TENM3: variants seen among roughly 807,000 people sequenced by gnomAD.
The protein encoded by TENM3 is teneurin transmembrane protein 3.
Under a neutral mutation model 255.1 loss-of-function variants are expected in TENM3, and 63 were observed. That is an observed-to-expected ratio of 0.25 (90% CI 0.20 to 0.30). TENM3 has a LOEUF of 0.30. Among genes scored for constraint, TENM3 ranks in the 10% least tolerant of loss-of-function variants. TENM3 has a pLI of 1.00. For synonymous variants in TENM3, 1,306 were observed against 1,322.3 expected (o/e 0.99, Z 0.27); for missense variants, 2,929 against 3,461.1 (o/e 0.85, Z 3.86).
the TENM3 span, among the ~76,000 whole-genome samples, chr4:182,082,547 C>T: frequency 6.6e-6 from 1 of 152,170 alleles, no homozygotes; most frequent in Non-Finnish European, 1.5e-5. Context: ...ATATGATTTG[C>T]CCCTTTAGTT....
At chr4:181,709,962 A>G in the TENM3 span, among the ~76,000 whole-genome samples, 2 of 152,180 alleles carry the variant, frequency 1.3e-5, no homozygotes, top group Non-Finnish European at 2.9e-5. Flanking sequence ...TTTGAGGTGG[A>G]TGGAGCAGGA....
intron 3 of TENM3, among the ~76,000 whole-genome samples, chr4:182,385,063 A>G (rs1366481793): frequency 6.6e-6 from 1 of 152,074 alleles, no homozygotes; most frequent in Non-Finnish European, 1.5e-5. Flanking sequence ...TTTTACGTAG[A>G]TGACGGTGTC....
intron 8 of TENM3, 38 bp downstream of exon 8, chr4:182,679,914 A>G (rs761616678): frequency 1.3e-6 from 2 of 1,527,984 alleles, no homozygotes; most frequent in East Asian, 2.3e-5. Context: ...TCCAGGCTAT[A>G]GCCTAAACGC....
intron 3 of TENM3, among the ~76,000 whole-genome samples, chr4:182,484,460 C>T (rs558742389): frequency 2.8e-4 from 43 of 152,178 alleles, no homozygotes; most frequent in African/African-American, 1.0e-3. Context: ...AGTGGTAATA[C>T]TTTACCTTAT....
chr4:182,680,148 A>G (rs535666134), intron 8 of TENM3, 100 bp from the exon 9 acceptor site: 1 of 894,154 alleles, frequency 1.1e-6, no homozygotes, highest in East Asian at 2.6e-5. Flanking sequence ...TTGCTTTACT[A>G]CTCAAATTAT....
At chr4:182,119,966 T>G in the TENM3 span, among the ~76,000 whole-genome samples, 7 of 152,134 alleles carry the variant, frequency 4.6e-5, no homozygotes, top group African/African-American at 1.7e-4. Flanking sequence ...CCTCTCAAAG[T>G]GCTGGGATTA....
intron 1 of TENM3, among the ~76,000 whole-genome samples, chr4:182,186,323 A>T (rs1753149033): frequency 6.6e-6 from 1 of 152,200 alleles, no homozygotes; most frequent in Admixed American, 6.5e-5. Context: ...AAATACTTGG[A>T]TGAAACTGAT....
intron 3 of TENM3, among the ~76,000 whole-genome samples, chr4:182,496,372 C>T (rs1171764861): frequency 2.6e-5 from 4 of 151,744 alleles, no homozygotes; most frequent in Non-Finnish European, 5.9e-5. Flanking sequence ...CCACTTTAAG[C>T]ATACATTTTC....
chr4:181,786,559 T>C, the TENM3 span, among the ~76,000 whole-genome samples: 1 of 152,008 alleles, frequency 6.6e-6, no homozygotes, highest in African/African-American at 2.4e-5. Flanking sequence ...AGGCAATCTC[T>C]TGGAGTTGCC....
At chr4:182,680,804 C>T in intron 10 of TENM3, 67 bp downstream of exon 10, 2 of 1,262,470 alleles carry the variant, frequency 1.6e-6, no homozygotes, top group African/African-American at 3.1e-5. Flanking sequence ...TATCTGTAAT[C>T]TTTAGTTGGG....
At chr4:182,349,945 C>T in intron 3 of TENM3, 1 of 236,404 alleles carries the variant, frequency 4.2e-6, no homozygotes, top group South Asian at 4.7e-5. Context: ...GAGCCAGATG[C>T]TGATGTGTTT....
At chr4:182,013,830 A>G in the TENM3 span, among the ~76,000 whole-genome samples, 1 of 151,490 alleles carries the variant, frequency 6.6e-6, no homozygotes, top group Non-Finnish European at 1.5e-5. Context: ...AGAGAACTAT[A>G]GAACTATAAT....
intron 1 of TENM3, among the ~76,000 whole-genome samples, chr4:182,246,101 G>A (rs560678108): frequency 9.9e-5 from 15 of 152,018 alleles, no homozygotes; most frequent in Non-Finnish European, 2.2e-4. Flanking sequence ...TATGGCAGAG[G>A]GTGGCACCTT....
the TENM3 span, among the ~76,000 whole-genome samples, chr4:182,135,670 C>G: frequency 6.6e-6 from 1 of 152,214 alleles, no homozygotes; most frequent in East Asian, 1.9e-4. Flanking sequence ...TGACCACGAA[C>G]TTCGTCGTAA....
the TENM3 span, among the ~76,000 whole-genome samples, chr4:181,585,965 A>G: frequency 2.0e-5 from 3 of 152,180 alleles, no homozygotes; most frequent in African/African-American, 7.2e-5. Context: ...AGAGCGTTGG[A>G]GGCTCAGTAA....
chr4:182,063,544 G>C, the TENM3 span, among the ~76,000 whole-genome samples: 1 of 152,128 alleles, frequency 6.6e-6, no homozygotes, highest in Non-Finnish European at 1.5e-5. Flanking sequence ...AAACATCGAA[G>C]TATTACATTT....
intron 1 of TENM3, among the ~76,000 whole-genome samples, chr4:182,160,102 A>G (rs890771223): frequency 1.0e-4 from 15 of 150,042 alleles, no homozygotes; most frequent in Admixed American, 2.0e-4. Context: ...TCCCGGGTTC[A>G]CGCCATTCTC....
intron 5 of TENM3, among the ~76,000 whole-genome samples, chr4:182,629,699 A>G (rs1426894062): frequency 6.6e-6 from 1 of 152,164 alleles, no homozygotes; most frequent in Non-Finnish European, 1.5e-5. Context: ...CAAGAACAAT[A>G]GCCAGTGATG....
intron 2 of TENM3, among the ~76,000 whole-genome samples, chr4:182,335,107 G>C (rs1764016602): frequency 6.6e-6 from 1 of 151,936 alleles, no homozygotes; most frequent in Non-Finnish European, 1.5e-5. Context: ...AGGTAGGAAG[G>C]CCTTCTCTAC....
Sources: gnomAD v4.1 joint callset for allele counts (sites outside exome capture counted in the v4.1 genomes callset) on GRCh38, gnomAD v4.1.1 for gene constraint, MANE v1.5 for transcripts, NCBI Gene and HGNC (gene_info 2026-07-23, HGNC 2026-07-21) for gene names.